The following ADAMTS8 variants were observed in gnomAD, a reference collection of about 807,000 sequenced individuals.
The protein encoded by ADAMTS8 is ADAM metallopeptidase with thrombospondin type 1 motif 8.
ADAMTS8 carries 50 observed loss-of-function variants against 64.4 expected under a neutral mutation model. The observed-to-expected ratio is 0.78, with a 90% CI of 0.62 to 0.98. The LOEUF (loss-of-function observed/expected upper bound fraction) is 0.98. Among genes scored for constraint, ADAMTS8 ranks in the 50% least tolerant of loss-of-function variants. The pLI is 0.00. For synonymous variants in ADAMTS8, 556 were observed against 533.6 expected (o/e 1.04, Z -0.58); for missense variants, 1,192 against 1,208.2 (o/e 0.99, Z 0.20).
rs567820692 is a variant in ADAMTS8, at chr11:130,408,647, G to A, written c.1924-8C>T. ...CAGGGTGCCATCAATCACCTGCAAC[G>A]GGGAAAGGGAAGGTGAGGGAGGGCG... On this transcript the variant is annotated splice_polypyrimidine_tract_variant and splice_region_variant and intron_variant, in intron 7 of 8. Transcript: ENST00000257359. 9 of 1,613,806 alleles carry A rather than the reference G, an allele frequency of 5.6e-6. No homozygotes were observed. The highest frequency in any genetic ancestry group is 3.3e-5 in the South Asian group (3 of 91,070).
chr11:130,428,108 A>G lies in ADAMTS8; in HGVS notation c.179T>C (p.Phe60Ser). 2 of 1,531,172 alleles carry G rather than the reference A, an allele frequency of 1.3e-6. No homozygotes were observed. Among genetic ancestry groups the G allele is most frequent in the Non-Finnish European group, 1.7e-6 (2 of 1,148,512 alleles). 94.8% of individuals were successfully genotyped at this position (1,531,172 alleles called of 1,614,324 possible). ...AGELALHLSA[F>S]GKGFVLRLAP... is the part of the protein sequence containing the mutation. ...CAGGCGCAGCACGAAGCCCTTGCCG[A>G]AGGCGGACAGGTGGAGCGCGAGCTC... The change falls in exon 1 of 9, where the codon TTC becomes TCC. Residue 60 changes from phenylalanine to serine, a missense_variant. By Grantham distance (155) the Phe-to-Ser change is radical (BLOSUM62 -2). Around this residue, in one of 5 missense-constraint regions of ADAMTS8, gnomAD observed 741 missense variants for 710.6 expected, o/e 1.04. Transcript: ENST00000257359.
intron 8 of ADAMTS8, among the ~76,000 whole-genome samples, chr11:130,407,306 C>T (rs555715158): frequency 6.6e-6 from 1 of 152,226 alleles, no homozygotes; most frequent in African/African-American, 2.4e-5. Context: ...AAGCAGGTTG[C>T]AGTGAGCCAA....
At chr11:130,414,969 T>A in intron 4 of ADAMTS8, 137 bp from the exon 5 acceptor site, 5 of 944,054 alleles carry the variant, frequency 5.3e-6, no homozygotes, top group African/African-American at 1.7e-5. Context: ...TGTCACCACT[T>A]GATGATCTAG....
intron 1 of ADAMTS8, among the ~76,000 whole-genome samples, chr11:130,420,505 G>A (rs969988637): frequency 2.0e-5 from 3 of 152,094 alleles, no homozygotes; most frequent in East Asian, 1.9e-4. Context: ...CTGCCTCTCC[G>A]ATCCCTAGAT....
chr11:130,425,192 C>T (rs952575880), intron 1 of ADAMTS8, among the ~76,000 whole-genome samples: 2 of 152,046 alleles, frequency 1.3e-5, no homozygotes, highest in East Asian at 3.9e-4. Flanking sequence ...CAGAGAAAGC[C>T]GAATTGTCTG....
chr11:130,428,087 C>A lies in ADAMTS8; in HGVS notation c.200G>T (p.Arg67Leu). ...TAGGAAGCTGTCGTCGGGCGCCAGGCGCAGCACGAAGCCCTTGCCGAAGGC... is the reference window on the plus strand; with the variant it reads ...TAGGAAGCTGTCGTCGGGCGCCAGGAGCAGCACGAAGCCCTTGCCGAAGGC... ...LSAFGKGFVLRLAPDDSFLAP... is the reference protein window; with the variant it reads ...LSAFGKGFVLLLAPDDSFLAP... The change falls in exon 1 of 9, where the codon CGC (arginine) becomes CTC (leucine). Residue 67 changes from arginine to leucine, a missense_variant. Transcript: ENST00000257359. 6.5e-7 allele frequency: 1 copy of A among 1,538,474 alleles called. No homozygotes were observed. Among genetic ancestry groups the A allele is most frequent in the Non-Finnish European group, 8.7e-7 (1 of 1,151,682 alleles).
In ADAMTS8 at chr11:130,414,704, T is replaced by C; in HGVS notation, c.1393A>G (p.Asn465Asp). The C allele has an allele frequency of 2.5e-6, 4 of 1,613,842 alleles. No homozygotes were observed. Among genetic ancestry groups the C allele is most frequent in the Non-Finnish European group, 3.4e-6 (4 of 1,180,046 alleles). The change falls in exon 5 of 9, where the codon AAC becomes GAC. Residue 465 changes from asparagine (N) to aspartate (D), a missense_variant. Asn to Asp is a conservative substitution (Grantham distance 23, BLOSUM62 1). Transcript: ENST00000257359. ...GCGCAGACGTCCTGAGCAGAGGTGT[T>C]GGGGCAGTGGCGGAAATCCGGCCCA... ...IFGPDFRHCP[N>D]TSAQDVCAQL...
chr11:130,416,013 G>A lies in ADAMTS8; in HGVS notation c.1264+150C>T, dbSNP rs561815270. On this transcript the variant is annotated intron_variant, in intron 4 of 8. Coordinates refer to ENST00000257359, the MANE Select transcript of ADAMTS8 (RefSeq NM_007037.6). The surrounding 1 kb of genome is among the most constrained non-coding windows in gnomAD (Gnocchi z 4.8). The stretch of plus-strand genomic sequence containing the variant: ...AGATGGGGCCAGAAGAGCAGACTTC[G>A]GGGGTGGTGTGAATGCCCCAGCGTG... The A allele has an allele frequency of 4.9e-5, 44 of 892,506 alleles. No homozygotes were observed. In the African/African-American group the frequency reaches 5.4e-4, roughly 11 times the overall value. 55.3% of individuals were successfully genotyped at this position (892,506 alleles called of 1,614,324 possible).
chr11:130,408,292 A>G lies in ADAMTS8; in HGVS notation c.2099+172T>C, dbSNP rs532502689. Among the ~76,000 whole-genome samples, 21 of 152,350 alleles carry G rather than the reference A, an allele frequency of 1.4e-4. No individual in the cohort carries two copies. In the South Asian group the frequency reaches 4.3e-3, roughly 32 times the overall value. ...AGGAAATCCTTACAACGACTCTGAG[A>G]TAGAGATACTGCTGACATTTTACAA... On this transcript the variant is annotated intron_variant, in intron 8 of 8. Coordinates refer to ENST00000257359, the MANE Select transcript of ADAMTS8 (RefSeq NM_007037.6).
Position 130,427,849 on chromosome 11 carries a change from C to A in ADAMTS8, c.438G>T (p.Gln146His), listed in dbSNP as rs763862887. 7 of 1,540,078 alleles carry A rather than the reference C, an allele frequency of 4.5e-6. No homozygotes were observed. The highest frequency in any genetic ancestry group is 1.4e-5 in the African/African-American group (1 of 72,992). The change falls in exon 1 of 9, where the codon CAG becomes CAT. Residue 146 changes from glutamine (Q) to histidine (H), a missense_variant. Physicochemically the swap from Gln to His is conservative, Grantham distance 24. Coordinates refer to ENST00000257359, the MANE Select transcript of ADAMTS8 (RefSeq NM_007037.6). ...GACCCCAGCGCTGCAGGCGGTGCGG[C>A]TGAGCCAGGGAGCCCCCCGCGCCCT... ...QPQGAGGSLA[Q>H]PHRLQRWGPA...
rs1555075677 is a variant in ADAMTS8 at position 130,427,719 on chromosome 11, T to C, written c.568A>G (p.Ser190Gly). ...GCGCCTTCTGCCTCCTCTTCTTGGC[T>C]CTCCTCCTCGCTGTCCTCCTGGTGG... is the stretch of plus-strand genomic sequence containing the variant. The part of the protein sequence containing the change: ...GDHQEDSEEE[S>G]QEEEAEGASE... Residue 190 changes from serine to glycine, a missense_variant, in exon 1 of 9, where the codon AGC becomes GGC. Coordinates refer to ENST00000257359, the MANE Select transcript of ADAMTS8 (RefSeq NM_007037.6). 20 of 1,595,342 alleles carry C rather than the reference T, an allele frequency of 1.3e-5. No homozygotes were observed. In the South Asian group the frequency reaches 2.0e-4, roughly 16 times the overall value.
chr11:130,427,957 G>A lies in ADAMTS8; in HGVS notation c.330C>T (p.Pro110=), dbSNP rs1201947614. 1 of 1,531,856 alleles carries A rather than the reference G, an allele frequency of 6.5e-7. No individual in the cohort carries two copies. The highest frequency in any genetic ancestry group is 1.2e-5 in the South Asian group (1 of 83,884). 94.9% of individuals were successfully genotyped at this position (1,531,856 alleles called of 1,614,324 possible). A position where few individuals can be genotyped will look rare whatever the true frequency, so the allele number is the denominator to read the frequency against. Residue 110 remains proline (P), a synonymous_variant, in exon 1 of 9, where the codon CCC becomes CCT. Coordinates refer to ENST00000257359, the MANE Select transcript of ADAMTS8 (RefSeq NM_007037.6). ...ACAGGCTGACCGCCGCCAGCGACTCGGGCTCCCCATTCACGGTGCCGGAGA... is the reference window on the plus strand; with the variant it reads ...ACAGGCTGACCGCCGCCAGCGACTCAGGCTCCCCATTCACGGTGCCGGAGA... ...CFFSGTVNGE[P]ESLAAVSLCR...
rs776676907 is a variant in ADAMTS8, at chr11:130,405,684, G to A, written c.2544C>T (p.Cys848=). The A allele has an allele frequency of 1.2e-5, 19 of 1,613,926 alleles. No individual in the cohort carries two copies. The African/African-American group carries it at 1.3e-4, about 11-fold the overall frequency. Residue 848 remains cysteine, a synonymous_variant, in exon 9 of 9, where the codon TGC becomes TGT. Coordinates refer to ENST00000257359, the MANE Select transcript of ADAMTS8 (RefSeq NM_007037.6). ...LGDWSECSST[C]GAGWQRRTVE... ...CAGTTCGCCTCTGCCAGCCGGCCCC[G>A]CAGGTGCTAGAGCACTCAGACCAGT...
In ADAMTS8 at chr11:130,428,372, C is replaced by A. The variant is rs1385903458; in HGVS notation, c.-86G>T. On this transcript the variant is annotated 5_prime_UTR_variant, in exon 1 of 9. Transcript: ENST00000257359. ...GCTGGCGGCCCGAGCGCGGCCCGGC[C>A]GCTCTCTCCAGGAAAAGCGGAATCA... is the stretch of plus-strand genomic sequence containing the variant. 6 of 1,213,484 alleles carry A rather than the reference C, an allele frequency of 4.9e-6. No homozygotes were observed. In the African/African-American group the frequency reaches 6.5e-5, roughly 13 times the overall value. The allele number at this position is 1,213,484 out of a possible 1,614,324, so 75.2% of individuals were successfully genotyped here.
rs1391844737 is a variant in ADAMTS8 at position 130,405,617 on chromosome 11, T to G, written c.2611A>C (p.Asn871His). 1 of 1,612,732 alleles carries G rather than the reference T, an allele frequency of 6.2e-7. No homozygotes were observed. Among genetic ancestry groups the G allele is most frequent in the East Asian group, 2.2e-5 (1 of 44,824 alleles). The change falls in exon 9 of 9, where the codon AAC becomes CAC. Residue 871 changes from asparagine to histidine, a missense_variant. This residue lies in a region of ADAMTS8 where 147 missense variants were observed against 154.1 expected (regional missense o/e 0.95). Coordinates refer to ENST00000257359, the MANE Select transcript of ADAMTS8 (RefSeq NM_007037.6). The stretch of plus-strand genomic sequence containing the variant: ...GCATCCTCGGGTTTCAGAGCCTTGT[T>G]GCAGGTGGCAGAGGCCTGGCCGGAG... Reference protein sequence around the residue: ...DPSGQASATCNKALKPEDAKP... With the variant: ...DPSGQASATCHKALKPEDAKP...
At position 130,419,081 on chromosome 11, in the gene ADAMTS8, T is replaced by C. The variant is rs750585124; in HGVS notation, c.932A>G (p.Tyr311Cys). ...TCTGGTGAGCAGGATGGCCGTGTCG[T>C]AGTGCTCTGGGTGGCGGTCGCTGGG... The part of the protein sequence containing the change: ...NQPSDRHPEH[Y>C]DTAILLTRQN... Residue 311 changes from tyrosine (Y) to cysteine (C), a missense_variant, in exon 2 of 9, where the codon TAC (tyrosine) becomes TGC (cysteine). Around this residue, in one of 5 missense-constraint regions of ADAMTS8, gnomAD observed 741 missense variants for 710.6 expected, o/e 1.04. Coordinates refer to ENST00000257359, the MANE Select transcript of ADAMTS8 (RefSeq NM_007037.6). The C allele has an allele frequency of 2.5e-6, 4 of 1,614,028 alleles. No individual in the cohort carries two copies. The South Asian group carries it at 3.3e-5, about 13-fold the overall frequency.
chr11:130,410,808 A>G (rs1040283957), intron 6 of ADAMTS8, among the ~76,000 whole-genome samples: 14 of 152,210 alleles, frequency 9.2e-5, no homozygotes, highest in South Asian at 2.1e-4. Context: ...GGAATATGCC[A>G]AGGGGAGGGA....
chr11:130,410,518 G>C (rs1262735313), intron 6 of ADAMTS8, among the ~76,000 whole-genome samples: 1 of 152,150 alleles, frequency 6.6e-6, no homozygotes, highest in Non-Finnish European at 1.5e-5. Flanking sequence ...AGTTTCTAGA[G>C]CCTCAAACCA....
In ADAMTS8 at chr11:130,425,736, G is replaced by T. The variant is rs537416724; in HGVS notation, c.720+1831C>A. On this transcript the variant is annotated intron_variant, in intron 1 of 8. Transcript: ENST00000257359. ...CTGCCTCAGCCTCCCGAGTAGCTGG[G>T]ACTACAGGCGCCCACCACCACGCCT... is the stretch of plus-strand genomic sequence containing the variant. 1.1e-3 allele frequency among the ~76,000 whole-genome samples: 163 copies of T among 152,066 alleles called. 1 individual carries two copies. The highest frequency in any genetic ancestry group is 2.6e-3 in the Admixed American group (39 of 15,290).
Sources: gnomAD v4.1 joint callset for allele counts (sites outside exome capture counted in the v4.1 genomes callset) on GRCh38, gnomAD v4.1.1 for gene constraint, gnomAD v4.1.1 regional missense constraint, Gnocchi (gnomAD v3.1) non-coding constraint, MANE v1.5 for transcripts, NCBI Gene and HGNC (gene_info 2026-07-23, HGNC 2026-07-21) for gene names.